PTPDC1: variants seen among roughly 807,000 people sequenced by gnomAD.
PTPDC1 encodes protein tyrosine phosphatase domain-containing protein 1.
Under a neutral mutation model 75.3 loss-of-function variants are expected in PTPDC1, and 53 were observed. The observed-to-expected ratio is 0.70, with a 90% CI of 0.56 to 0.88. The LOEUF (loss-of-function observed/expected upper bound fraction) is 0.88, where lower values mean the gene tolerates loss of function less well. PTPDC1 is among the 40% of genes least tolerant of loss of function. The pLI, the probability that PTPDC1 is intolerant of heterozygous loss-of-function variation, is 0.00. For synonymous variants in PTPDC1, 349 were observed against 366.2 expected, an observed-to-expected ratio of 0.95 and a Z score of 0.54; for missense variants, 925 against 998.6, an observed-to-expected ratio of 0.93 and a Z score of 0.99.
chr9:94,089,101 T>G (rs1019245985), intron 4 of PTPDC1, among the ~76,000 whole-genome samples: 1 of 151,250 alleles, frequency 6.6e-6, no homozygotes, highest in African/African-American at 2.4e-5. Context: ...TATTATACTT[T>G]AAGTTTTAGG....
chr9:94,081,233 G>A (rs1023985441), upstream of PTPDC1, among the ~76,000 whole-genome samples: 1 of 152,098 alleles, frequency 6.6e-6, no homozygotes, highest in African/African-American at 2.4e-5. Context: ...CAGGTGATCT[G>A]CCCTCCTCAG....
At chr9:94,075,540 G>T (rs546182913) in intron 2 of PTPDC1, among the ~76,000 whole-genome samples, 35 of 152,320 alleles carry the variant, frequency 2.3e-4, no homozygotes, top group African/African-American at 8.2e-4. Flanking sequence ...CTTATAGCTT[G>T]TTCTGGGTTG....
chr9:94,064,909 CT>C, intron 2 of PTPDC1: 1 of 917,340 alleles, frequency 1.1e-6, no homozygotes, highest in Non-Finnish European at 1.7e-6. Flanking sequence ...AAAGAAAAGG[CT>C]CTCTTCTTCA....
chr9:94,047,733 G>T (rs1440900737), intron 1 of PTPDC1, among the ~76,000 whole-genome samples: 1 of 151,764 alleles, frequency 6.6e-6, no homozygotes, highest in African/African-American at 2.4e-5. Context: ...TGATAAAGGG[G>T]ATATCACCAC....
At chr9:94,058,537 GAA>G (rs1363885854) in intron 1 of PTPDC1, among the ~76,000 whole-genome samples, 1 of 134,430 alleles carries the variant, frequency 7.4e-6, no homozygotes, top group African/African-American at 2.7e-5. Flanking sequence ...CATCTCTACT[GAA>G]AAAAAAAAAA....
chr9:94,073,935 T>C (rs1214755622), intron 2 of PTPDC1, among the ~76,000 whole-genome samples: 1 of 152,184 alleles, frequency 6.6e-6, no homozygotes, highest in Admixed American at 6.5e-5. Context: ...TTTGATTTCA[T>C]TGTGGGCAGA....
At chr9:94,037,255 G>A (rs951017242) in intron 1 of PTPDC1, among the ~76,000 whole-genome samples, 10 of 152,168 alleles carry the variant, frequency 6.6e-5, no homozygotes, top group Admixed American at 6.5e-4. Flanking sequence ...TATTTAATTA[G>A]TGTTGTGACT....
At chr9:94,084,850 A>G (rs373355379) in intron 1 of PTPDC1, 76 bp downstream of exon 1, 2 of 1,079,076 alleles carry the variant, frequency 1.9e-6, no homozygotes, top group African/African-American at 1.6e-5. Flanking sequence ...TTGTGTTTAT[A>G]CCTTTTTAAA....
At chr9:94,102,630 A>C (rs1235043982) in intron 7 of PTPDC1, among the ~76,000 whole-genome samples, 1 of 151,962 alleles carries the variant, frequency 6.6e-6, no homozygotes, top group African/African-American at 2.4e-5. Context: ...CCCAGGCTGG[A>C]GTGCAATGGC....
intron 1 of PTPDC1, among the ~76,000 whole-genome samples, chr9:94,031,536 A>G (rs1829727012): frequency 6.6e-6 from 1 of 152,060 alleles, no homozygotes. Context: ...GTGACCTCTA[A>G]TTTAGGTCTA....
intron 1 of PTPDC1, among the ~76,000 whole-genome samples, chr9:94,046,175 G>A (rs1215077910): frequency 6.6e-6 from 1 of 152,170 alleles, no homozygotes; most frequent in Non-Finnish European, 1.5e-5. Flanking sequence ...CATTATTTCT[G>A]AGGGCTCTGT....
At chr9:94,048,194 C>G (rs2118440078) in intron 1 of PTPDC1, among the ~76,000 whole-genome samples, 1 of 152,260 alleles carries the variant, frequency 6.6e-6, no homozygotes, top group Middle Eastern at 3.4e-3. Context: ...TTTTTTGTGT[C>G]TCTATTTCCT....
chr9:94,107,376 A>C (rs1828059917), intron 8 of PTPDC1, among the ~76,000 whole-genome samples: 1 of 152,218 alleles, frequency 6.6e-6, no homozygotes, highest in Admixed American at 6.5e-5. Context: ...GTTGGGTATG[A>C]GATGAGGACA....
intron 4 of PTPDC1, among the ~76,000 whole-genome samples, chr9:94,091,434 C>A (rs1325763985): frequency 2.0e-5 from 3 of 151,928 alleles, no homozygotes; most frequent in Non-Finnish European, 2.9e-5. Context: ...GGATGAAGCC[C>A]AGTTGATCAT....
intron 2 of PTPDC1, among the ~76,000 whole-genome samples, chr9:94,074,787 T>G (rs1221169186): frequency 6.6e-6 from 1 of 152,174 alleles, no homozygotes; most frequent in African/African-American, 2.4e-5. Flanking sequence ...CCAACTAGTC[T>G]TTCCTCCTAC....
upstream of PTPDC1, among the ~76,000 whole-genome samples, chr9:94,083,552 C>T (rs541342684): frequency 5.9e-5 from 9 of 152,246 alleles, no homozygotes; most frequent in East Asian, 1.5e-3. Context: ...AGAGAGCTAG[C>T]GAGCAAGCGA....
chr9:94,041,989 C>T (rs900942771), intron 1 of PTPDC1, among the ~76,000 whole-genome samples: 1 of 152,072 alleles, frequency 6.6e-6, no homozygotes, highest in Admixed American at 6.5e-5. Context: ...TCTATGTTTA[C>T]TCATCAGTGT....
At chr9:94,051,177 C>T (rs1396804215) in intron 1 of PTPDC1, among the ~76,000 whole-genome samples, 10 of 152,170 alleles carry the variant, frequency 6.6e-5, no homozygotes, top group African/African-American at 1.4e-4. Flanking sequence ...GGTGATGCCT[C>T]GCCCTGCTTC....
At chr9:94,063,739 C>A (rs1218789515) in intron 1 of PTPDC1, among the ~76,000 whole-genome samples, 1 of 152,062 alleles carries the variant, frequency 6.6e-6, no homozygotes, top group Admixed American at 6.5e-5. Flanking sequence ...AGGAATGATC[C>A]AGTGCACCAA....
Sources: allele counts gnomAD v4.1 joint callset (sites outside exome capture counted in the v4.1 genomes callset), GRCh38; gene constraint gnomAD v4.1.1; transcripts MANE v1.5; gene names NCBI Gene and HGNC (gene_info 2026-07-23, HGNC 2026-07-21).